PRKG1: variants seen among roughly 807,000 people sequenced by gnomAD.
The protein encoded by PRKG1 is protein kinase cGMP-dependent 1.
A neutral mutation model predicts 88.1 loss-of-function variants in PRKG1; 35 were observed. The observed-to-expected ratio is 0.40, with a 90% CI of 0.30 to 0.53. The LOEUF is 0.53. Among genes scored for constraint, PRKG1 ranks in the 20% least tolerant of loss-of-function variants. The pLI, the probability that PRKG1 is intolerant of heterozygous loss-of-function variation, is 0.59. For missense variants in PRKG1, 540 were observed against 839.8 expected, an observed-to-expected ratio of 0.64 and a Z score of 4.41; for synonymous variants, 303 against 292.5, an observed-to-expected ratio of 1.04 and a Z score of -0.37.
At chr10:51,613,462 C>G (rs1386329935) in intron 3 of PRKG1, among the ~76,000 whole-genome samples, 2 of 151,642 alleles carry the variant, frequency 1.3e-5, no homozygotes, top group African/African-American at 2.4e-5. Flanking sequence ...TTTTGAAGAT[C>G]CAACTTTTCA....
chr10:51,733,459 A>G (rs1410187628), intron 3 of PRKG1, among the ~76,000 whole-genome samples: 1 of 152,204 alleles, frequency 6.6e-6, no homozygotes, highest in African/African-American at 2.4e-5. Flanking sequence ...TAATAGTAAC[A>G]TCAATAATAA....
At chr10:51,333,691 C>T (rs1841796719) in intron 2 of PRKG1, among the ~76,000 whole-genome samples, 1 of 152,198 alleles carries the variant, frequency 6.6e-6, no homozygotes, top group African/African-American at 2.4e-5. Context: ...AAGTGCAAGG[C>T]AGCTTCCATG....
intron 9 of PRKG1, among the ~76,000 whole-genome samples, chr10:52,232,671 A>G (rs1840553279): frequency 6.6e-6 from 1 of 152,226 alleles, no homozygotes; most frequent in Admixed American, 6.5e-5. Context: ...CAAGTACTAC[A>G]GAAATGAAGA....
chr10:51,674,028 A>G (rs1441559618), intron 3 of PRKG1, among the ~76,000 whole-genome samples: 1 of 152,196 alleles, frequency 6.6e-6, no homozygotes, highest in Admixed American at 6.5e-5. Context: ...ATTAGAATGC[A>G]GAGGGGCATA....
At chr10:52,036,032 A>G (rs1845600097) in intron 5 of PRKG1, among the ~76,000 whole-genome samples, 1 of 152,158 alleles carries the variant, frequency 6.6e-6, no homozygotes, top group Non-Finnish European at 1.5e-5. Context: ...CATGATTGGC[A>G]GGGAGAGCAC....
chr10:52,058,432 A>G (rs946612294), intron 6 of PRKG1, among the ~76,000 whole-genome samples: 2 of 152,086 alleles, frequency 1.3e-5, no homozygotes, highest in African/African-American at 4.8e-5. Context: ...ATCCATTCAT[A>G]ATAAAACTTC....
intron 2 of PRKG1, among the ~76,000 whole-genome samples, chr10:51,328,273 G>T (rs1209320896): frequency 6.6e-6 from 1 of 152,092 alleles, no homozygotes; most frequent in Non-Finnish European, 1.5e-5. Context: ...GTGATGTCTT[G>T]TAGGTTCATC....
At chr10:51,276,414 G>C (rs571869709) in intron 2 of PRKG1, among the ~76,000 whole-genome samples, 2 of 152,108 alleles carry the variant, frequency 1.3e-5, no homozygotes, top group African/African-American at 2.4e-5. Flanking sequence ...GAATAGTGCC[G>C]CAATAAACAT....
At chr10:51,322,782 C>A (rs528913024) in intron 2 of PRKG1, among the ~76,000 whole-genome samples, 1 of 152,282 alleles carries the variant, frequency 6.6e-6, no homozygotes, top group African/African-American at 2.4e-5. Flanking sequence ...TTGTCAACCA[C>A]ATTAAATGTA....
At chr10:51,342,828 A>G (rs1299240048) in intron 2 of PRKG1, among the ~76,000 whole-genome samples, 1 of 152,262 alleles carries the variant, frequency 6.6e-6, no homozygotes, top group Non-Finnish European at 1.5e-5. Context: ...AAGAATAACA[A>G]ACATTCAGGT....
chr10:51,318,126 C>T (rs1482612282), intron 2 of PRKG1, among the ~76,000 whole-genome samples: 1 of 152,176 alleles, frequency 6.6e-6, no homozygotes, highest in African/African-American at 2.4e-5. Context: ...AGAAATTACA[C>T]TCTACTTACT....
chr10:51,213,869 T>C (rs1335060979), intron 2 of PRKG1, among the ~76,000 whole-genome samples: 2 of 152,218 alleles, frequency 1.3e-5, no homozygotes, highest in East Asian at 3.9e-4. Context: ...GTTTTATTCA[T>C]GTGTTATTTG....
intron 2 of PRKG1, among the ~76,000 whole-genome samples, chr10:51,256,903 A>T (rs1839575423): frequency 6.6e-6 from 1 of 152,290 alleles, no homozygotes; most frequent in South Asian, 2.1e-4. Context: ...GTTTATAAAG[A>T]TTAATTTTCA....
At chr10:51,994,054 C>T (rs1455089225) in intron 5 of PRKG1, among the ~76,000 whole-genome samples, 3 of 152,126 alleles carry the variant, frequency 2.0e-5, no homozygotes, top group Admixed American at 6.6e-5. Context: ...CACATACTTC[C>T]TTTAGCATTT....
intron 1 of PRKG1, among the ~76,000 whole-genome samples, chr10:51,028,522 C>A (rs1250672337): frequency 6.6e-6 from 1 of 151,204 alleles, no homozygotes; most frequent in Non-Finnish European, 1.5e-5. Flanking sequence ...ACAACAACAA[C>A]AAAATTACAA....
intron 2 of PRKG1, among the ~76,000 whole-genome samples, chr10:51,165,893 A>C (rs1846525384): frequency 6.6e-6 from 1 of 152,226 alleles, no homozygotes; most frequent in South Asian, 2.1e-4. Context: ...GGAAAAAAGA[A>C]GGGTGTGAAC....
intron 5 of PRKG1, among the ~76,000 whole-genome samples, chr10:51,994,569 G>A (rs375024639): frequency 4.7e-4 from 71 of 152,254 alleles, no homozygotes; most frequent in African/African-American, 1.7e-3. Flanking sequence ...GGTAGCTCAG[G>A]TGTGAGAGCA....
intron 8 of PRKG1, among the ~76,000 whole-genome samples, chr10:52,152,394 T>C (rs1837953476): frequency 6.6e-6 from 1 of 152,058 alleles, no homozygotes; most frequent in Non-Finnish European, 1.5e-5. Flanking sequence ...ACAAAGTGAT[T>C]TTTAGCTAGT....
At chr10:52,096,082 G>T (rs1387548238) in intron 7 of PRKG1, among the ~76,000 whole-genome samples, 1 of 152,090 alleles carries the variant, frequency 6.6e-6, no homozygotes, top group East Asian at 1.9e-4. Context: ...GTACTTAGAG[G>T]CTGTAGGGTC....
Sources: gnomAD v4.1 joint callset for allele counts (sites outside exome capture counted in the v4.1 genomes callset) on GRCh38, gnomAD v4.1.1 for gene constraint, MANE v1.5 for transcripts, NCBI Gene and HGNC (gene_info 2026-07-23, HGNC 2026-07-21) for gene names.